IFIT1: variants seen among roughly 807,000 people sequenced by gnomAD.
IFIT1 encodes antiviral innate immune response effector IFIT1.
A neutral mutation model predicts 2.5 loss-of-function variants in IFIT1; 1 was observed. The ratio of observed to expected loss-of-function variants is 0.40; its 90% confidence interval spans 0.14 to 1.92. The LOEUF (loss-of-function observed/expected upper bound fraction) is 1.92, where lower values mean the gene tolerates loss of function less well. Among genes scored for constraint, IFIT1 ranks in the 40% most tolerant of loss-of-function variants. The pLI is 0.31. For synonymous variants in IFIT1, 191 were observed against 201.7 expected (o/e 0.95, Z 0.45); for missense variants, 508 against 557.8 (o/e 0.91, Z 0.90).
intron 1 of IFIT1, among the ~76,000 whole-genome samples, chr10:89,400,980 G>T (rs1844413229): frequency 6.6e-6 from 1 of 151,318 alleles, no homozygotes. Context: ...AAAGGGTGTT[G>T]AATTTTGTCA....
chr10:89,405,891 T>C lies in IFIT1; in HGVS notation c.*2179T>C, dbSNP rs1844521925. The C allele has an allele frequency of 6.6e-6, 1 of 151,840 alleles. No individual in the cohort carries two copies. Among genetic ancestry groups the C allele is most frequent in the Admixed American group, 6.6e-5 (1 of 15,244 alleles). The allele number at this position is 151,840 out of a possible 1,614,324, so 9.4% of individuals were successfully genotyped here. On this transcript the variant is annotated 3_prime_UTR_variant, in exon 2 of 2. Coordinates refer to ENST00000371804, the MANE Select transcript of IFIT1 (RefSeq NM_001548.5). ...TCTGGAGACTTGGCCATGGATACGA[T>C]TGCGGGGGGGGCATTATTCTTACCA...
At position 89,405,217 on chromosome 10, in the gene IFIT1, C is replaced by T. The variant is rs953480030; in HGVS notation, c.*1505C>T. On this transcript the variant is annotated 3_prime_UTR_variant, in exon 2 of 2. Transcript: ENST00000371804. ...TCCAAGGAGTTTATCTTGTTTTATG[C>T]CATTTTATTTGAAGCACTACTTACT... is the stretch of plus-strand genomic sequence containing the variant. The T allele has an allele frequency of 2.0e-5, 3 of 151,952 alleles. No individual in the cohort carries two copies. The highest frequency in any genetic ancestry group is 4.4e-5 in the Non-Finnish European group (3 of 67,988). The allele number at this position is 151,952 out of a possible 1,614,324, so 9.4% of individuals were successfully genotyped here.
Position 89,403,009 on chromosome 10 carries a change from C to G in IFIT1, c.734C>G (p.Ala245Gly). The stretch of plus-strand genomic sequence containing the variant: ...GAAAAGTACATTGAAGAAGCTCTAG[C>G]CAACATGTCCTCACAGACCTATGTC... ...EGEKYIEEAL[A>G]NMSSQTYVFR... is the part of the protein sequence containing the mutation. The change falls in exon 2 of 2, where the codon GCC (alanine) becomes GGC (glycine). Residue 245 changes from alanine to glycine, a missense_variant. By Grantham distance (60) the Ala-to-Gly change is moderately conservative. Coordinates refer to ENST00000371804, the MANE Select transcript of IFIT1 (RefSeq NM_001548.5). 1 of 1,614,196 alleles carries G rather than the reference C, an allele frequency of 6.2e-7. No homozygotes were observed. Among genetic ancestry groups the G allele is most frequent in the Non-Finnish European group, 8.5e-7 (1 of 1,180,028 alleles).
At chr10:89,396,241 C>G (rs1844340641) in intron 1 of IFIT1, among the ~76,000 whole-genome samples, 1 of 152,198 alleles carries the variant, frequency 6.6e-6, no homozygotes, top group African/African-American at 2.4e-5. Context: ...GTTTCAATTT[C>G]TCCACATCCT....
chr10:89,400,781 A>G (rs2133626349), intron 1 of IFIT1, among the ~76,000 whole-genome samples: 1 of 152,324 alleles, frequency 6.6e-6, no homozygotes, highest in African/African-American at 2.4e-5. Context: ...TGCTCTGACT[A>G]GAATTTCCAG....
rs1844518729 is a variant in IFIT1 at position 89,405,716 on chromosome 10, T to A, written c.*2004T>A. The A allele has an allele frequency of 6.6e-6, 1 of 152,218 alleles. No homozygotes were observed. Among genetic ancestry groups the A allele is most frequent in the Non-Finnish European group, 1.5e-5 (1 of 68,050 alleles). The allele number at this position is 152,218 out of a possible 1,614,324, so 9.4% of individuals were successfully genotyped here. On this transcript the variant is annotated 3_prime_UTR_variant, in exon 2 of 2. Coordinates refer to ENST00000371804, the MANE Select transcript of IFIT1 (RefSeq NM_001548.5). Reference sequence around the variant, plus strand: ...CTCTCTCTGCTTCCTTCTTCACATCTCCTTCTCTCCTCTGACTCTTTTGCC... The same window carrying A: ...CTCTCTCTGCTTCCTTCTTCACATCACCTTCTCTCCTCTGACTCTTTTGCC...
At position 89,403,994 on chromosome 10, in the gene IFIT1, A is replaced by C. The variant is rs956046335; in HGVS notation, c.*282A>C. The C allele has an allele frequency of 3.5e-6, 1 of 284,636 alleles. No homozygotes were observed. Among genetic ancestry groups the C allele is most frequent in the African/African-American group, 2.2e-5 (1 of 45,738 alleles). The allele number at this position is 284,636 out of a possible 1,614,324, so 17.6% of individuals were successfully genotyped here. A position where few individuals can be genotyped will look rare whatever the true frequency, so the allele number is the denominator to read the frequency against. Reference sequence around the variant, plus strand: ...AACATTGGACTTACACTAAATGTTTAATTCATTCATTTTATTGTGAAATAA... The same window carrying C: ...AACATTGGACTTACACTAAATGTTTCATTCATTCATTTTATTGTGAAATAA... On this transcript the variant is annotated 3_prime_UTR_variant, in exon 2 of 2. Transcript: ENST00000371804.
rs763322304 is a variant in IFIT1 at position 89,403,584 on chromosome 10, C to A, written c.1309C>A (p.Leu437Met). 6.2e-7 allele frequency: 1 copy of A among 1,613,976 alleles called. No individual in the cohort carries two copies. Among genetic ancestry groups the A allele is most frequent in the South Asian group, 1.1e-5 (1 of 91,072 alleles). Residue 437 changes from leucine to methionine, a missense_variant, in exon 2 of 2, where the codon CTG becomes ATG. Leu to Met is a conservative substitution (Grantham distance 15, BLOSUM62 2). Transcript: ENST00000371804. ...LRKLRRKALD[L>M]ESLSLLGFVY... ...GAAACTTCGGAGAAAGGCATTAGAT[C>A]TGGAAAGCTTGAGCCTCCTTGGGTT...
Position 89,402,747 on chromosome 10 carries a change from G to A in IFIT1, c.472G>A (p.Glu158Lys). The change falls in exon 2 of 2, where the codon GAA (glutamate) becomes AAA (lysine). Residue 158 changes from glutamate (E) to lysine (K), a missense_variant. By Grantham distance (56) the Glu-to-Lys change is moderately conservative. Coordinates refer to ENST00000371804, the MANE Select transcript of IFIT1 (RefSeq NM_001548.5). ...GCTGAAGTGTGGAGGAAAAAATTAT[G>A]AACGGGCCAAGGCCTGCTTTGAAAA... The part of the protein sequence containing the change: ...ALLKCGGKNY[E>K]RAKACFEKVL... The A allele has an allele frequency of 6.2e-7, 1 of 1,614,204 alleles. No homozygotes were observed. The highest frequency in any genetic ancestry group is 8.5e-7 in the Non-Finnish European group (1 of 1,180,036).
chr10:89,401,196 A>C (rs946209851), intron 1 of IFIT1, among the ~76,000 whole-genome samples: 52 of 151,448 alleles, frequency 3.4e-4, no homozygotes, highest in Middle Eastern at 3.2e-3. Flanking sequence ...AGCTCACTGC[A>C]ACCTCTGCCT....
intron 1 of IFIT1, 48 bp from the exon 2 acceptor site, chr10:89,402,233 T>C (rs1456022558): frequency 1.6e-6 from 2 of 1,253,360 alleles, no homozygotes; most frequent in Non-Finnish European, 2.3e-6. Context: ...ACTTTTTTCT[T>C]TTAGCTGTTC....
At chr10:89,400,343 T>C (rs1347687684) in intron 1 of IFIT1, among the ~76,000 whole-genome samples, 3 of 152,348 alleles carry the variant, frequency 2.0e-5, no homozygotes, top group South Asian at 2.1e-4. Flanking sequence ...TAGGATTGCA[T>C]TGAATTTGTA....
chr10:89,404,029 C>T lies in IFIT1; in HGVS notation c.*317C>T, dbSNP rs956588231. ...TTTTATTGTGAAATAAAAATAAAAT[C>T]CTTAGCTCCTCCACCAACTGAACAG... is the stretch of plus-strand genomic sequence containing the variant. On this transcript the variant is annotated 3_prime_UTR_variant, in exon 2 of 2. Coordinates refer to ENST00000371804, the MANE Select transcript of IFIT1 (RefSeq NM_001548.5). 2 of 198,200 alleles carry T rather than the reference C, an allele frequency of 1.0e-5. No individual in the cohort carries two copies. Among genetic ancestry groups the T allele is most frequent in the Non-Finnish European group, 2.0e-5 (2 of 99,092 alleles). The allele number at this position is 198,200 out of a possible 1,614,324, so 12.3% of individuals were successfully genotyped here.
At chr10:89,392,958 C>G (rs537562082) in intron 1 of IFIT1, 16 of 664,416 alleles carry the variant, frequency 2.4e-5, no homozygotes, top group Non-Finnish European at 3.9e-5. Flanking sequence ...ATGCTATAGC[C>G]CAAAGAAGGG....
chr10:89,399,091 T>C (rs1844385616), intron 1 of IFIT1, among the ~76,000 whole-genome samples: 2 of 152,174 alleles, frequency 1.3e-5, no homozygotes, highest in African/African-American at 2.4e-5. Flanking sequence ...TGGTATCTCA[T>C]TGTGGTTTTT....
intron 1 of IFIT1, among the ~76,000 whole-genome samples, chr10:89,394,539 T>C (rs1471547203): frequency 6.7e-6 from 1 of 148,484 alleles, no homozygotes; most frequent in Non-Finnish European, 1.5e-5. Context: ...TTTTATGTTT[T>C]CCTGCTTTTA....
chr10:89,398,409 G>C (rs1310112540), intron 1 of IFIT1, among the ~76,000 whole-genome samples: 1 of 152,158 alleles, frequency 6.6e-6, no homozygotes, highest in Non-Finnish European at 1.5e-5. Flanking sequence ...CTGAATAAAA[G>C]TAAGCAGCTC....
rs1589641805 is a variant in IFIT1 at position 89,403,968 on chromosome 10, A to C, written c.*256A>C. 12 of 348,418 alleles carry C rather than the reference A, an allele frequency of 3.4e-5. No individual in the cohort carries two copies. The East Asian group carries it at 5.6e-4, about 16-fold the overall frequency. 21.6% of individuals were successfully genotyped at this position (348,418 alleles called of 1,614,324 possible). A position where few individuals can be genotyped will look rare whatever the true frequency, so the allele number is the denominator to read the frequency against. On this transcript the variant is annotated 3_prime_UTR_variant, in exon 2 of 2. Transcript: ENST00000371804. ...ATGTTAGTTAACTTTGTAGGAAATA[A>C]AACATTGGACTTACACTAAATGTTT...
At chr10:89,399,811 G>GT (rs746729874) in intron 1 of IFIT1, among the ~76,000 whole-genome samples, 2 of 152,062 alleles carry the variant, frequency 1.3e-5, no homozygotes, top group African/African-American at 2.4e-5. Flanking sequence ...AAATAAAATC[G>GT]TAAGAGTGAG....
Sources: gnomAD v4.1 joint callset for allele counts (sites outside exome capture counted in the v4.1 genomes callset) on GRCh38, gnomAD v4.1.1 for gene constraint, MANE v1.5 for transcripts, NCBI Gene and HGNC (gene_info 2026-07-23, HGNC 2026-07-21) for gene names.